The following MYH13 variants were observed in gnomAD, a reference collection of about 807,000 sequenced individuals.
MYH13 encodes the protein myosin-13.
MYH13 carries 177 observed loss-of-function variants against 232.1 expected under a neutral mutation model. The observed-to-expected ratio is 0.76, with a 90% CI of 0.67 to 0.86. MYH13 has a LOEUF of 0.86. MYH13 is among the 40% of genes least tolerant of loss of function. MYH13 has a pLI of 0.00. For synonymous variants in MYH13, 884 were observed against 923.5 expected (o/e 0.96, Z 0.78); for missense variants, 2,246 against 2,405.9 (o/e 0.93, Z 1.39).
At position 10,350,644 on chromosome 17, in the gene MYH13, G is replaced by C. The variant is rs370606170; in HGVS notation, c.1056C>G (p.Tyr352Ter). Residue 352 changes from tyrosine to a stop codon, truncating the protein, a stop_gained, in exon 12 of 41, where the codon TAC becomes TAG. Transcript: ENST00000252172. LOFTEE classifies it high-confidence loss of function. ...AATGCATCACGGCTCCCGTCAGTTT[G>C]TAGATCCCGACTTTCTCCTCTGAGC... ...GFSSEEKVGI[Y>*]KLTGAVMHYG... 1.9e-6 allele frequency: 3 copies of C among 1,613,724 alleles called. No individual in the cohort carries two copies. The highest frequency in any genetic ancestry group is 2.5e-6 in the Non-Finnish European group (3 of 1,179,954).
chr17:10,322,039 G>C (rs1368215933), intron 23 of MYH13, among the ~76,000 whole-genome samples: 1 of 152,182 alleles, frequency 6.6e-6, no homozygotes, highest in African/African-American at 2.4e-5. Flanking sequence ...GTGTTTGTTA[G>C]GTTGGCTGAA....
At chr17:10,301,044 G>T in intron 40 of MYH13, 79 bp from the exon 41 acceptor site, 1 of 1,329,208 alleles carries the variant, frequency 7.5e-7, no homozygotes, top group Admixed American at 1.8e-5. Context: ...AAGTGAAGCA[G>T]CTGGAAAATC....
intron 5 of MYH13, among the ~76,000 whole-genome samples, 162 bp from the exon 6 acceptor site, chr17:10,360,350 A>C (rs961527979): frequency 1.3e-5 from 2 of 152,210 alleles, no homozygotes; most frequent in African/African-American, 4.8e-5. Context: ...GGGACAATTT[A>C]GGCAGATTTC....
rs760092709 is a variant in MYH13 at position 10,350,559 on chromosome 17, C to T, written c.1141G>A (p.Glu381Lys). The T allele has an allele frequency of 2.5e-6, 4 of 1,612,114 alleles. No homozygotes were observed. Among genetic ancestry groups the T allele is most frequent in the Non-Finnish European group, 1.7e-6 (2 of 1,179,644 alleles). ...REEQAEPDGT[E>K]VADKAGYLMG... ...TCCCTTTCCCAGATGCAGTTACCTT[C>T]GGTGCCGTCTGGCTCCGCCTGCTCC... The change falls in exon 12 of 41, where the codon GAA (glutamate) becomes AAA (lysine). Residue 381 changes from glutamate (E) to lysine (K), a missense_variant. Physicochemically the swap from Glu to Lys is moderately conservative, Grantham distance 56. Transcript: ENST00000252172.
At chr17:10,322,136 T>C (rs1037620769) in intron 23 of MYH13, among the ~76,000 whole-genome samples, 1 of 152,118 alleles carries the variant, frequency 6.6e-6, no homozygotes, top group Non-Finnish European at 1.5e-5. Flanking sequence ...CTCACGCCTG[T>C]AATCCCAGCA....
intron 18 of MYH13, among the ~76,000 whole-genome samples, chr17:10,334,740 G>C (rs1018559890): frequency 6.6e-6 from 1 of 152,070 alleles, no homozygotes; most frequent in Non-Finnish European, 1.5e-5. Context: ...TTAGCCGGGC[G>C]TGGTGGCAGG....
At chr17:10,333,229 C>G (rs1350407988) in intron 18 of MYH13, 38 bp from the exon 19 acceptor site, 2 of 1,408,954 alleles carry the variant, frequency 1.4e-6, no homozygotes, top group Non-Finnish European at 2.0e-6. Context: ...CCTGTGACCC[C>G]TTCATTTGTT....
At chr17:10,316,440 G>A (rs1000974317) in intron 27 of MYH13, among the ~76,000 whole-genome samples, 7 of 151,640 alleles carry the variant, frequency 4.6e-5, no homozygotes, top group African/African-American at 1.7e-4. Context: ...TAGCCTTGGC[G>A]GCAAGAGTGA....
chr17:10,309,684 C>T lies in MYH13; in HGVS notation c.4803G>A (p.Leu1601=), dbSNP rs1483310165. The T allele has an allele frequency of 3.1e-6, 5 of 1,609,442 alleles. No individual in the cohort carries two copies. The South Asian group carries it at 5.6e-5, about 18-fold the overall frequency. ...GGATTTCAGCATCCAGCACGCTCTG[C>T]AGGGCCTCTGCTGCCCGCTGGCTGT... ...KRNSQRAAEA[L]QSVLDAEIRS... The change falls in exon 34 of 41, where the codon CTG becomes CTA. Residue 1601 remains leucine, a synonymous_variant. Transcript: ENST00000252172.
intron 26 of MYH13, among the ~76,000 whole-genome samples, chr17:10,319,515 A>AAAAAAT (rs1159368760): frequency 9.4e-6 from 1 of 106,688 alleles, no homozygotes; most frequent in Non-Finnish European, 2.0e-5. Flanking sequence ...TCTCAAAAAA[A>AAAAAAT]AAAAAGAAGA....
intron 27 of MYH13, among the ~76,000 whole-genome samples, chr17:10,318,257 G>A (rs1490696277): frequency 6.6e-6 from 1 of 152,178 alleles, no homozygotes; most frequent in African/African-American, 2.4e-5. Flanking sequence ...TCATCCAATT[G>A]TGCTTGAATC....
At chr17:10,348,467 G>A (rs1371317713) in intron 12 of MYH13, among the ~76,000 whole-genome samples, 1 of 152,228 alleles carries the variant, frequency 6.6e-6, no homozygotes, top group Non-Finnish European at 1.5e-5. Context: ...TACGGTTGTC[G>A]TGAAGCATGC....
intron 26 of MYH13, 113 bp downstream of exon 26, chr17:10,320,040 C>T: frequency 2.6e-6 from 2 of 777,546 alleles, no homozygotes; most frequent in South Asian, 1.8e-5. Context: ...GACATCTTCT[C>T]TAGCTTTAGC....
At chr17:10,368,783 G>A (rs1367554568) in intron 2 of MYH13, among the ~76,000 whole-genome samples, 2 of 152,186 alleles carry the variant, frequency 1.3e-5, no homozygotes, top group Non-Finnish European at 2.9e-5. Context: ...CTGCCCTATT[G>A]CATAAGGGAA....
At chr17:10,366,381 G>GTTTGTTTTTTTGTTTTTTTTTTTTTTT (rs2071837334) in intron 2 of MYH13, among the ~76,000 whole-genome samples, 11 of 112,636 alleles carry the variant, frequency 9.8e-5, no homozygotes, top group African/African-American at 3.6e-4. Context: ...AAATAAATCT[G>GTTTGTTTTTTTGTTTTTTTTTTTTTTT]TTTTTTTTTT....
rs189404046 is a variant in MYH13, at chr17:10,322,915, A to G, written c.2934+1107T>C. The stretch of plus-strand genomic sequence containing the variant: ...CCCAAAGTGCTGGGATTACAGGCAT[A>G]AGCCACCGCACCTGGCCCTATATTT... On this transcript the variant is annotated intron_variant, in intron 23 of 40. Coordinates refer to ENST00000252172, the MANE Select transcript of MYH13 (RefSeq NM_003802.3). Among the ~76,000 whole-genome samples, 766 of 152,164 alleles carry G rather than the reference A, an allele frequency of 5.0e-3. 1 individual carries two copies. Among genetic ancestry groups the G allele is most frequent in the South Asian group, 0.011 (54 of 4,814 alleles).
rs1949892273 is a variant in MYH13 at position 10,359,876 on chromosome 17, A to G, written c.645+84T>C. 5 of 1,258,020 alleles carry G rather than the reference A, an allele frequency of 4.0e-6. No homozygotes were observed. In the Admixed American group the frequency reaches 6.9e-5, roughly 17 times the overall value. The allele number at this position is 1,258,020 out of a possible 1,614,324, so 77.9% of individuals were successfully genotyped here. A position where few individuals can be genotyped will look rare whatever the true frequency, so the allele number is the denominator to read the frequency against. ...CCTATTTGCCGTTTCTACTGAGCGC[A>G]TACCCTGCATACACTTGGTGCTCAT... On this transcript the variant is annotated intron_variant, in intron 7 of 40. Transcript: ENST00000252172.
At chr17:10,343,553 A>G (rs2071636080) in intron 16 of MYH13, among the ~76,000 whole-genome samples, 1 of 152,204 alleles carries the variant, frequency 6.6e-6, no homozygotes, top group Non-Finnish European at 1.5e-5. Flanking sequence ...ATTATACCTC[A>G]GTAGAAAACT....
intron 15 of MYH13, among the ~76,000 whole-genome samples, chr17:10,344,843 G>A (rs11871737): frequency 0.023 from 2,165 of 94,944 alleles, 70 homozygotes; most frequent in East Asian, 0.082. Context: ...AAAAAAAAAA[G>A]TTAATATCTA....
Sources: allele counts gnomAD v4.1 joint callset (sites outside exome capture counted in the v4.1 genomes callset), GRCh38; gene constraint gnomAD v4.1.1; transcripts MANE v1.5; gene names NCBI Gene and HGNC (gene_info 2026-07-23, HGNC 2026-07-21).